Variants in NREP observed in about 807,000 individuals in gnomAD.
The protein encoded by NREP is neuronal regeneration-related protein.
Under a neutral mutation model 8.6 loss-of-function variants are expected in NREP, and 5 were observed. That is an observed-to-expected ratio of 0.58 (90% CI 0.30 to 1.22). The LOEUF (loss-of-function observed/expected upper bound fraction) is 1.22, where lower values mean the gene tolerates loss of function less well. NREP is among the 50% of genes most tolerant of loss of function. The probability of loss-of-function intolerance (pLI) is 0.07; values close to 1 mark genes in which losing one functional copy is unlikely to be tolerated. For synonymous variants in NREP, 27 were observed against 28.0 expected, an observed-to-expected ratio of 0.96 and a Z score of 0.11; for missense variants, 86 against 82.5, an observed-to-expected ratio of 1.04 and a Z score of -0.17.
chr5:111,918,869 A>G (rs574619821), intron 2 of NREP, among the ~76,000 whole-genome samples: 1 of 152,264 alleles, frequency 6.6e-6, no homozygotes, highest in South Asian at 2.1e-4. Context: ...ATGCAATCTA[A>G]TTGAACTAAA....
At chr5:111,910,605 C>T (rs1754885416) in intron 2 of NREP, among the ~76,000 whole-genome samples, 1 of 151,988 alleles carries the variant, frequency 6.6e-6, no homozygotes, top group Non-Finnish European at 1.5e-5. Context: ...ATAAAAAATG[C>T]TTGCCGAGTA....
chr5:111,775,503 T>A (rs1751336257), intron 2 of NREP, among the ~76,000 whole-genome samples: 1 of 152,208 alleles, frequency 6.6e-6, no homozygotes. Context: ...ACAGCAGCCC[T>A]ACTCATATTC....
intron 2 of NREP, among the ~76,000 whole-genome samples, chr5:111,778,702 G>A (rs778878308): frequency 2.6e-5 from 4 of 152,090 alleles, no homozygotes; most frequent in African/African-American, 4.8e-5. Context: ...GTTTGGCTGT[G>A]AGGCCCTAAA....
At chr5:111,845,686 T>C (rs920142957) in intron 2 of NREP, among the ~76,000 whole-genome samples, 26 of 152,096 alleles carry the variant, frequency 1.7e-4, no homozygotes, top group African/African-American at 6.3e-4. Context: ...GTTACATAAG[T>C]TTCAAAAAAG....
At chr5:111,746,914 T>C (rs1750042439) in intron 2 of NREP, among the ~76,000 whole-genome samples, 1 of 152,196 alleles carries the variant, frequency 6.6e-6, no homozygotes, top group South Asian at 2.1e-4. Context: ...TTCTTTAAGC[T>C]ACTATTAACT....
chr5:111,749,490 A>G (rs370318867), intron 2 of NREP, among the ~76,000 whole-genome samples: 21 of 152,022 alleles, frequency 1.4e-4, no homozygotes, highest in African/African-American at 4.8e-4. Flanking sequence ...ATGTGAGGAG[A>G]TTCTCTTTGG....
chr5:111,794,063 T>C (rs1751818803), intron 2 of NREP, among the ~76,000 whole-genome samples: 2 of 152,164 alleles, frequency 1.3e-5, no homozygotes, highest in Admixed American at 1.3e-4. Context: ...ATAAAGTTAA[T>C]GCAGTGTTTT....
intron 2 of NREP, among the ~76,000 whole-genome samples, chr5:111,947,139 C>A (rs559997687): frequency 6.6e-6 from 1 of 151,976 alleles, no homozygotes; most frequent in African/African-American, 2.4e-5. Context: ...TAATGTATAA[C>A]TATAGAAGTC....
intron 2 of NREP, among the ~76,000 whole-genome samples, chr5:111,803,461 C>T (rs1353753852): frequency 2.6e-5 from 4 of 152,076 alleles, no homozygotes; most frequent in Admixed American, 2.6e-4. Context: ...CACATCTTTC[C>T]AATAATTATT....
intron 2 of NREP, among the ~76,000 whole-genome samples, chr5:111,885,981 TTAAAC>T (rs1181852620): frequency 3.3e-5 from 5 of 152,140 alleles, no homozygotes; most frequent in Non-Finnish European, 7.3e-5. Flanking sequence ...TGGGATCTAA[TTAAAC>T]TAAAGAGCTT....
intron 2 of NREP, among the ~76,000 whole-genome samples, chr5:111,769,119 T>C (rs1751156034): frequency 6.6e-6 from 1 of 152,246 alleles, no homozygotes; most frequent in Admixed American, 6.5e-5. Context: ...GTTAATCCTA[T>C]ATCTTAAATG....
At chr5:111,887,570 G>C (rs932209798) in intron 2 of NREP, among the ~76,000 whole-genome samples, 1 of 152,164 alleles carries the variant, frequency 6.6e-6, no homozygotes, top group Non-Finnish European at 1.5e-5. Context: ...CAGAGTAGCA[G>C]CCTATAATTT....
At chr5:111,843,788 G>T (rs1753090465) in intron 2 of NREP, among the ~76,000 whole-genome samples, 1 of 152,148 alleles carries the variant, frequency 6.6e-6, no homozygotes, top group Non-Finnish European at 1.5e-5. Flanking sequence ...TGGTGCTGAA[G>T]TCCTCAGGCT....
At chr5:111,825,018 CTAAG>C (rs1054984957) in intron 2 of NREP, among the ~76,000 whole-genome samples, 1 of 152,122 alleles carries the variant, frequency 6.6e-6, no homozygotes, top group Non-Finnish European at 1.5e-5. Context: ...TCCTCAGAAC[CTAAG>C]TGTTTCCTTA....
chr5:111,778,759 AT>A (rs922513494), intron 2 of NREP, among the ~76,000 whole-genome samples: 27 of 152,178 alleles, frequency 1.8e-4, no homozygotes, highest in African/African-American at 6.5e-4. Flanking sequence ...ATTCTTTAAC[AT>A]CTTGCAAAGC....
chr5:111,957,088 G>A (rs1437429020), intron 2 of NREP, among the ~76,000 whole-genome samples: 1 of 151,770 alleles, frequency 6.6e-6, no homozygotes, highest in African/African-American at 2.4e-5. Context: ...AGAGAGGAAA[G>A]AAGAGACTGT....
At chr5:111,966,724 A>T (rs536260548) in intron 2 of NREP, among the ~76,000 whole-genome samples, 9 of 152,234 alleles carry the variant, frequency 5.9e-5, no homozygotes, top group Admixed American at 1.3e-4. Context: ...CTTTTACTTT[A>T]TATACTTAAG....
In NREP at chr5:111,806,005, T is replaced by C. The variant is rs187081435; in HGVS notation, c.136-70498A>G. On this transcript the variant is annotated intron_variant, in intron 2 of 3. Transcript: ENST00000395634. ...TGTACATGTATGTCAGAGCATCTTA[T>C]TGCACACTAAAAATATAATTTTTAT... Among the ~76,000 whole-genome samples the C allele has an allele frequency of 1.4e-3, 211 of 152,314 alleles. 1 individual carries two copies. Among genetic ancestry groups the C allele is most frequent in the African/African-American group, 4.7e-3 (196 of 41,574 alleles).
downstream of NREP, chr5:111,728,989 A>G (rs1200201666): frequency 6.6e-6 from 1 of 152,080 alleles, no homozygotes; most frequent in Non-Finnish European, 1.5e-5. Context: ...AGTGAGAAAG[A>G]GTAAGTTTTG....
Sources: allele counts gnomAD v4.1 joint callset (sites outside exome capture counted in the v4.1 genomes callset), GRCh38; gene constraint gnomAD v4.1.1; transcripts MANE v1.5; gene names NCBI Gene and HGNC (gene_info 2026-07-23, HGNC 2026-07-21).